The following USP31 variants were observed in gnomAD, a reference collection of about 807,000 sequenced individuals.
USP31 encodes ubiquitin carboxyl-terminal hydrolase 31.
In USP31, 44 loss-of-function variants were observed where a neutral mutation model predicts 119.4. The observed-to-expected ratio is 0.37, with a 90% CI of 0.29 to 0.47. USP31 has a LOEUF of 0.47. Among genes scored for constraint, USP31 ranks in the 20% least tolerant of loss-of-function variants. The pLI, the probability that USP31 is intolerant of heterozygous loss-of-function variation, is 0.99. For synonymous variants in USP31, 749 were observed against 705.6 expected (o/e 1.06, Z -0.97); for missense variants, 1,643 against 1,730.2 (o/e 0.95, Z 0.89).
chr16:23,092,272 C>T (rs967064843), intron 6 of USP31, among the ~76,000 whole-genome samples: 2 of 152,210 alleles, frequency 1.3e-5, no homozygotes, highest in African/African-American at 4.8e-5. Context: ...ACCAAATTCA[C>T]TTATAAATAG....
intron 11 of USP31, 136 bp from the exon 12 acceptor site, chr16:23,082,693 A>T: frequency 8.2e-7 from 1 of 1,217,440 alleles, no homozygotes; most frequent in East Asian, 2.6e-5. Context: ...TCAATGGAAT[A>T]ACACAATCAA....
At position 23,072,024 on chromosome 16, in the gene USP31, G is replaced by C. The variant is rs375938446; in HGVS notation, c.2488+21C>G. On this transcript the variant is annotated intron_variant, in intron 15 of 15. Transcript: ENST00000219689. ...CTGTGAGTTACCATTCTGGAAATTT[G>C]TCACCAAAACCCACACCCACCATCA... 1 of 1,598,074 alleles carries C rather than the reference G, an allele frequency of 6.3e-7. No homozygotes were observed. The highest frequency in any genetic ancestry group is 8.5e-7 in the Non-Finnish European group (1 of 1,170,780).
At position 23,102,480 on chromosome 16, in the gene USP31, T is replaced by C. The variant is rs779851081; in HGVS notation, c.1090-17A>G. 5.0e-6 allele frequency: 8 copies of C among 1,596,826 alleles called. No homozygotes were observed. Among genetic ancestry groups the C allele is most frequent in the East Asian group, 4.5e-5 (2 of 44,306 alleles). On this transcript the variant is annotated splice_polypyrimidine_tract_variant and intron_variant, in intron 5 of 15. Coordinates refer to ENST00000219689, the MANE Select transcript of USP31 (RefSeq NM_020718.4). ...TAACACAATCTAAAAATAGGAAAAA[T>C]GTAAACAGGTGGGTAACTGGAAATT...
intron 1 of USP31, among the ~76,000 whole-genome samples, chr16:23,133,592 C>T (rs879943852): frequency 6.6e-6 from 1 of 152,160 alleles, no homozygotes; most frequent in Non-Finnish European, 1.5e-5. Context: ...AATCCTGCTA[C>T]CCTTTGAGGG....
At chr16:23,138,761 C>A (rs1455634887) in intron 1 of USP31, among the ~76,000 whole-genome samples, 4 of 152,120 alleles carry the variant, frequency 2.6e-5, no homozygotes, top group African/African-American at 9.7e-5. Flanking sequence ...AAGGACTTTC[C>A]CACCTTTCCA....
At position 23,108,268 on chromosome 16, in the gene USP31, G is replaced by A. The variant is rs188773414; in HGVS notation, c.634-85C>T. ...ATTTATTCATAATCGCAAAAGGGAT[G>A]CAAGATCTCAAGGGTGTTAGAGAAT... On this transcript the variant is annotated intron_variant, in intron 1 of 15. Coordinates refer to ENST00000219689, the MANE Select transcript of USP31 (RefSeq NM_020718.4). 1.0e-5 allele frequency: 15 copies of A among 1,506,374 alleles called. No homozygotes were observed. In the African/African-American group the frequency reaches 2.0e-4, roughly 20 times the overall value. 93.3% of individuals were successfully genotyped at this position (1,506,374 alleles called of 1,614,324 possible).
At chr16:23,078,162 A>T (rs1900662073) in intron 13 of USP31, among the ~76,000 whole-genome samples, 1 of 151,854 alleles carries the variant, frequency 6.6e-6, no homozygotes, top group Non-Finnish European at 1.5e-5. Flanking sequence ...AAATACAAAA[A>T]TTAGCTGGGT....
rs182140309 is a variant in USP31 at position 23,067,905 on chromosome 16, G to A, written c.*141C>T. 3.0e-4 allele frequency: 307 copies of A among 1,007,616 alleles called. 1 individual carries two copies. In the Middle Eastern group the frequency reaches 3.4e-3, roughly 11 times the overall value. 62.4% of individuals were successfully genotyped at this position (1,007,616 alleles called of 1,614,324 possible). A position where few individuals can be genotyped will look rare whatever the true frequency, so the allele number is the denominator to read the frequency against. On this transcript the variant is annotated 3_prime_UTR_variant, in exon 16 of 16. Transcript: ENST00000219689. ...TTGCAATTGAATTAGACACACACAC[G>A]CATACACTCACACACACACACACAG...
In USP31 at chr16:23,069,080, G is replaced by C. The variant is rs1400399369; in HGVS notation, c.3025C>G (p.Pro1009Ala). The C allele has an allele frequency of 6.2e-7, 1 of 1,612,378 alleles. No individual in the cohort carries two copies. The highest frequency in any genetic ancestry group is 1.1e-5 in the South Asian group (1 of 91,066). Residue 1009 changes from proline to alanine, a missense_variant, in exon 16 of 16, where the codon CCC becomes GCC. Pro to Ala is a conservative substitution (Grantham distance 27). Around this residue, in one of 5 missense-constraint regions of USP31, gnomAD observed 699 missense variants for 650.9 expected, o/e 1.07. Coordinates refer to ENST00000219689, the MANE Select transcript of USP31 (RefSeq NM_020718.4). ...TTTGCGAGTGAGCCTGGGTGGCTGG[G>C]GGCTTTCACCTCTTTGACTGGAGAG... ...DSSPVKEVKA[P>A]SHPGSLAKKP...
In USP31 at chr16:23,073,760, G is replaced by A. The variant is rs1900441624; in HGVS notation, c.2297C>T (p.Thr766Ile). 1.9e-6 allele frequency: 3 copies of A among 1,613,238 alleles called. No homozygotes were observed. The highest frequency in any genetic ancestry group is 1.7e-6 in the Non-Finnish European group (2 of 1,179,958). ...GTTGGCTGACCATGACGGGATGGCT[G>A]TCCGCCTCTGGTAGAAGAGGATGTA... ...TAYILFYQRR[T>I]AIPSWSANSS... The change falls in exon 14 of 16, where the codon ACA (threonine) becomes ATA (isoleucine). Residue 766 changes from threonine to isoleucine, a missense_variant. Physicochemically the swap from Thr to Ile is moderately conservative, Grantham distance 89. Transcript: ENST00000219689.
At chr16:23,147,650 G>A (rs1432675745) in intron 1 of USP31, among the ~76,000 whole-genome samples, 1 of 152,156 alleles carries the variant, frequency 6.6e-6, no homozygotes, top group Non-Finnish European at 1.5e-5. Flanking sequence ...ATACCCCCAG[G>A]GATGTATAGC....
chr16:23,094,806 C>T (rs746551109), intron 6 of USP31, among the ~76,000 whole-genome samples: 57 of 151,212 alleles, frequency 3.8e-4, no homozygotes, highest in Non-Finnish European at 6.8e-4. Context: ...AGGAATAGCA[C>T]CAACATCAAC....
At chr16:23,077,685 T>C (rs1279921799) in intron 13 of USP31, among the ~76,000 whole-genome samples, 1 of 152,098 alleles carries the variant, frequency 6.6e-6, no homozygotes, top group Non-Finnish European at 1.5e-5. Context: ...AGTATACATA[T>C]ATAACACACT....
Position 23,069,180 on chromosome 16 carries a change from G to C in USP31, c.2925C>G (p.Arg975=). 1 of 1,614,150 alleles carries C rather than the reference G, an allele frequency of 6.2e-7. No individual in the cohort carries two copies. Among genetic ancestry groups the C allele is most frequent in the Non-Finnish European group, 8.5e-7 (1 of 1,180,040 alleles). ...CAAATGGACCAGAGAGCGGGGGCAG[G>C]CGGTCCCCTTGTGCTGAATGTTTGC... is the stretch of plus-strand genomic sequence containing the variant. ...TQSKHSAQGD[R]LPPLSGPFDN... The change falls in exon 16 of 16, where the codon CGC becomes CGG. Residue 975 remains arginine, a synonymous_variant. Coordinates refer to ENST00000219689, the MANE Select transcript of USP31 (RefSeq NM_020718.4).
rs763872332 is a variant in USP31 at position 23,072,061 on chromosome 16, T to C, written c.2472A>G (p.Glu824=). Residue 824 remains glutamate, a synonymous_variant, in exon 15 of 16, where the codon GAA becomes GAG. Transcript: ENST00000219689. ...SLSESVEMTG[E]RSEDDGGFST... ...CACACCCACCATCATCTTCACTCCT[T>C]TCTCCAGTCATCTCCACGGACTCAG... The C allele has an allele frequency of 6.2e-7, 1 of 1,613,164 alleles. No individual in the cohort carries two copies. Among genetic ancestry groups the C allele is most frequent in the Non-Finnish European group, 8.5e-7 (1 of 1,179,432 alleles).
At chr16:23,139,018 C>A (rs1448618480) in intron 1 of USP31, among the ~76,000 whole-genome samples, 3 of 152,222 alleles carry the variant, frequency 2.0e-5, no homozygotes, top group Non-Finnish European at 2.9e-5. Flanking sequence ...AGGACCAGCA[C>A]AGAAAATGTG....
intron 1 of USP31, among the ~76,000 whole-genome samples, chr16:23,133,911 C>CA (rs1432803188): frequency 6.6e-6 from 1 of 151,970 alleles, no homozygotes; most frequent in Non-Finnish European, 1.5e-5. Flanking sequence ...CCCATCTCTA[C>CA]AAAAAAATAA....
intron 1 of USP31, among the ~76,000 whole-genome samples, chr16:23,141,720 ATAT>A (rs1903358314): frequency 6.6e-6 from 1 of 152,224 alleles, no homozygotes; most frequent in South Asian, 2.1e-4. Context: ...TTATTGAATA[ATAT>A]CTGCCTCCTC....
chr16:23,117,797 T>C (rs1902542969), intron 1 of USP31, among the ~76,000 whole-genome samples: 2 of 151,760 alleles, frequency 1.3e-5, no homozygotes, highest in Admixed American at 6.6e-5. Context: ...TCTCTCTCTG[T>C]TCTTGTTGTT....
Sources: allele counts gnomAD v4.1 joint callset (sites outside exome capture counted in the v4.1 genomes callset), GRCh38; gene constraint gnomAD v4.1.1; regional missense constraint gnomAD v4.1.1; transcripts MANE v1.5; gene names NCBI Gene and HGNC (gene_info 2026-07-23, HGNC 2026-07-21).